The following LRRC4C variants were observed in gnomAD, a reference collection of about 807,000 sequenced individuals.
LRRC4C encodes leucine-rich repeat-containing protein 4C.
LRRC4C carries 5 observed loss-of-function variants against 33.6 expected under a neutral mutation model. That is an observed-to-expected ratio of 0.15 (90% CI 0.08 to 0.31). The LOEUF (loss-of-function observed/expected upper bound fraction) is 0.31. LRRC4C is among the 10% of genes least tolerant of loss of function. LRRC4C has a pLI of 1.00. For missense variants in LRRC4C, 560 were observed against 796.7 expected (o/e 0.70, Z 3.58); for synonymous variants, 329 against 302.0 (o/e 1.09, Z -0.93).
chr11:40,855,877 C>A (rs950183943), intron 2 of LRRC4C, among the ~76,000 whole-genome samples: 3 of 151,726 alleles, frequency 2.0e-5, no homozygotes, highest in Non-Finnish European at 4.4e-5. Flanking sequence ...TATTCAGATG[C>A]AGCATAGTCT....
Position 40,606,493 on chromosome 11 carries a change from A to G in LRRC4C, c.-270+41649T>C, listed in dbSNP as rs1050970911. Among the ~76,000 whole-genome samples the G allele has an allele frequency of 2.0e-5, 3 of 152,132 alleles. No homozygotes were observed. In the East Asian group the frequency reaches 5.8e-4, roughly 29 times the overall value. On this transcript the variant is annotated intron_variant, in intron 3 of 6. Coordinates refer to ENST00000528697, the MANE Select transcript of LRRC4C (RefSeq NM_001258419.2). ...TTTTTTTCAAATGAATGATAACAAC[A>G]TAAAATTACAAGGCACACAAAGAAA...
chr11:40,364,717 C>A (rs1948129644), intron 3 of LRRC4C, among the ~76,000 whole-genome samples: 1 of 151,738 alleles, frequency 6.6e-6, no homozygotes, highest in African/African-American at 2.4e-5. Context: ...GCTCAATAAA[C>A]CCAGAGAAAT....
rs140229100 is a variant in LRRC4C at position 40,225,105 on chromosome 11, G to T, written c.-96+16414C>A. The stretch of plus-strand genomic sequence containing the variant: ...CTATAAGCTGCCTGCATAAAAACAT[G>T]AATTATCTAGACAGTTGAAGCCACC... On this transcript the variant is annotated intron_variant, in intron 5 of 6. Transcript: ENST00000528697. Among the ~76,000 whole-genome samples the T allele has an allele frequency of 8.1e-3, 1,238 of 152,194 alleles. 10 individuals are homozygous for T. Among genetic ancestry groups the T allele is most frequent in the Non-Finnish European group, 0.011 (748 of 68,010 alleles).
In LRRC4C at chr11:40,852,061, T is replaced by A. The variant is rs543952093; in HGVS notation, c.-407+81574A>T. Among the ~76,000 whole-genome samples the A allele has an allele frequency of 2.0e-5, 3 of 152,220 alleles. No individual in the cohort carries two copies. In the East Asian group the frequency reaches 5.8e-4, roughly 29 times the overall value. On this transcript the variant is annotated intron_variant, in intron 2 of 6. Coordinates refer to ENST00000528697, the MANE Select transcript of LRRC4C (RefSeq NM_001258419.2). Reference sequence around the variant, plus strand: ...CTAGGCTGGTCTTGAACTCCTGACCTCATGATCCACCTGCCTCAGCCTCCC... The same window carrying A: ...CTAGGCTGGTCTTGAACTCCTGACCACATGATCCACCTGCCTCAGCCTCCC...
chr11:40,592,526 G>A (rs1029308698), intron 3 of LRRC4C, among the ~76,000 whole-genome samples: 4 of 152,198 alleles, frequency 2.6e-5, no homozygotes, highest in Admixed American at 6.5e-5. Context: ...ATATGGAAGT[G>A]GCCTTGTGGG....
intron 2 of LRRC4C, among the ~76,000 whole-genome samples, chr11:40,861,633 G>T (rs1015868609): frequency 1.8e-4 from 27 of 152,140 alleles, no homozygotes; most frequent in African/African-American, 6.5e-4. Flanking sequence ...ATAACCCCAA[G>T]AAGGCACGGT....
chr11:41,188,245 C>T (rs1418114009), intron 1 of LRRC4C, among the ~76,000 whole-genome samples: 2 of 152,072 alleles, frequency 1.3e-5, no homozygotes, highest in Non-Finnish European at 2.9e-5. Flanking sequence ...TTGGGGAAAG[C>T]AAGAATTCCC....
intron 3 of LRRC4C, among the ~76,000 whole-genome samples, chr11:40,572,840 T>C (rs533361216): frequency 6.6e-6 from 1 of 152,308 alleles, no homozygotes; most frequent in South Asian, 2.1e-4. Context: ...GATATGCAAA[T>C]GCATTTGCTA....
rs75370951 is a variant in LRRC4C, at chr11:40,562,161, T to C, written c.-270+85981A>G. ...AAATGTGTCAAACAAACCTTAACAA[T>C]TAAACCTCAATGGGAATGTGTACCA... On this transcript the variant is annotated intron_variant, in intron 3 of 6. Transcript: ENST00000528697. 3.6e-3 allele frequency among the ~76,000 whole-genome samples: 546 copies of C among 152,306 alleles called. 2 individuals carry two copies. Among genetic ancestry groups the C allele is most frequent in the Non-Finnish European group, 6.0e-3 (406 of 68,020 alleles).
chr11:41,104,774 T>C (rs575125014), intron 1 of LRRC4C, among the ~76,000 whole-genome samples: 18 of 152,092 alleles, frequency 1.2e-4, no homozygotes. Context: ...ATAATATTTG[T>C]CAGGAATAAA....
chr11:40,294,604 G>A lies in LRRC4C; in HGVS notation c.-176+25024C>T, dbSNP rs531720231. The stretch of plus-strand genomic sequence containing the variant: ...AGCCCTTTGGGAGGCCAAGGTGGGC[G>A]GATCATGAGGTCAGGAGATCGAGAC... On this transcript the variant is annotated intron_variant, in intron 4 of 6. Transcript: ENST00000528697. 1.1e-4 allele frequency among the ~76,000 whole-genome samples: 16 copies of A among 152,090 alleles called. 1 individual carries two copies. The East Asian group carries it at 3.1e-3, about 30-fold the overall frequency.
At position 40,830,638 on chromosome 11, in the gene LRRC4C, A is replaced by G. The variant is rs575282551; in HGVS notation, c.-407+102997T>C. Reference sequence around the variant, plus strand: ...GCATGTTAGCTCATATCTAAAGGAGAACAGACTGGAGAGGGTTGTGAGTTG... The same window carrying G: ...GCATGTTAGCTCATATCTAAAGGAGGACAGACTGGAGAGGGTTGTGAGTTG... On this transcript the variant is annotated intron_variant, in intron 2 of 6. Transcript: ENST00000528697. Among the ~76,000 whole-genome samples the G allele has an allele frequency of 2.0e-5, 3 of 152,176 alleles. No homozygotes were observed. In the South Asian group the frequency reaches 6.2e-4, roughly 32 times the overall value.
chr11:41,009,988 CAA>C (rs1350854214), intron 1 of LRRC4C, among the ~76,000 whole-genome samples: 4 of 151,890 alleles, frequency 2.6e-5, no homozygotes, highest in Non-Finnish European at 5.9e-5. Context: ...GACAGAAATG[CAA>C]AGAGGCAAGA....
At chr11:41,264,849 C>T (rs1949098201) in intron 1 of LRRC4C, among the ~76,000 whole-genome samples, 1 of 152,122 alleles carries the variant, frequency 6.6e-6, no homozygotes, top group Non-Finnish European at 1.5e-5. Context: ...CTTAAAATTA[C>T]AAATGGTAGT....
chr11:40,994,886 A>ATTT (rs937421410), intron 1 of LRRC4C, among the ~76,000 whole-genome samples: 2 of 151,404 alleles, frequency 1.3e-5, no homozygotes, highest in Admixed American at 6.6e-5. Context: ...GTCCTTCCCC[A>ATTT]TTGTCCCCTC....
Position 40,114,431 on chromosome 11 carries a change from A to C in LRRC4C, c.1862T>G (p.Val621Gly), listed in dbSNP as rs1457120152. ...VNTINSIHSS[V>G]HEPLLIRMNS... is the part of the protein sequence containing the mutation. ...CATTCGGATCAATAACGGTTCATGC[A>C]CTGAACTGTGTATTGAATTTATTGT... is the stretch of plus-strand genomic sequence containing the variant. The change falls in exon 7 of 7, where the codon GTG becomes GGG. Residue 621 changes from valine to glycine, a missense_variant. Val to Gly is a moderately radical substitution (Grantham distance 109). Around this residue, in one of 3 missense-constraint regions of LRRC4C, gnomAD observed 103 missense variants for 132.1 expected, o/e 0.78. Coordinates refer to ENST00000528697, the MANE Select transcript of LRRC4C (RefSeq NM_001258419.2). 6.2e-7 allele frequency: 1 copy of C among 1,614,040 alleles called. No individual in the cohort carries two copies. Among genetic ancestry groups the C allele is most frequent in the Non-Finnish European group, 8.5e-7 (1 of 1,179,972 alleles).
At chr11:40,945,578 G>A (rs1958361050) in intron 1 of LRRC4C, among the ~76,000 whole-genome samples, 1 of 152,146 alleles carries the variant, frequency 6.6e-6, no homozygotes, top group Admixed American at 6.6e-5. Flanking sequence ...ATTGGTATCA[G>A]TCACATGAAG....
intron 5 of LRRC4C, among the ~76,000 whole-genome samples, chr11:40,180,758 T>C (rs1181962811): frequency 1.3e-5 from 2 of 152,322 alleles, no homozygotes; most frequent in East Asian, 3.9e-4. Flanking sequence ...TTTGCATGCA[T>C]GTGTGTGTGC....
At chr11:40,323,362 A>T (rs1416653414) in intron 3 of LRRC4C, among the ~76,000 whole-genome samples, 1 of 152,266 alleles carries the variant, frequency 6.6e-6, no homozygotes, top group Admixed American at 6.5e-5. Flanking sequence ...ATTAACATTT[A>T]AATTAATGAG....
Sources: allele counts gnomAD v4.1 joint callset (sites outside exome capture counted in the v4.1 genomes callset), GRCh38; gene constraint gnomAD v4.1.1; regional missense constraint gnomAD v4.1.1; transcripts MANE v1.5; gene names NCBI Gene and HGNC (gene_info 2026-07-23, HGNC 2026-07-21).